Variants in SMG6 observed in about 807,000 individuals in gnomAD.
SMG6 encodes telomerase-binding protein EST1A.
A neutral mutation model predicts 142.2 loss-of-function variants in SMG6; 66 were observed. The ratio of observed to expected loss-of-function variants is 0.46; its 90% confidence interval spans 0.38 to 0.57. The LOEUF (loss-of-function observed/expected upper bound fraction) is 0.57. Ranked by LOEUF, SMG6 falls within the 20% of genes least tolerant of loss-of-function variation. SMG6 has a pLI of 0.00. For synonymous variants in SMG6, 779 were observed against 702.4 expected, an observed-to-expected ratio of 1.11 and a Z score of -1.72; for missense variants, 1,793 against 1,832.0, an observed-to-expected ratio of 0.98 and a Z score of 0.39.
At chr17:2,267,042 G>A (rs1185209152) in intron 8 of SMG6, among the ~76,000 whole-genome samples, 1 of 152,202 alleles carries the variant, frequency 6.6e-6, no homozygotes, top group Non-Finnish European at 1.5e-5. Context: ...GTCATCACGT[G>A]CTGCCAAACT....
At chr17:2,247,192 A>C (rs1366835915) in intron 8 of SMG6, among the ~76,000 whole-genome samples, 1 of 152,214 alleles carries the variant, frequency 6.6e-6, no homozygotes, top group Admixed American at 6.5e-5. Context: ...TAAACACTCA[A>C]TTGTTAACAT....
At chr17:2,157,054 C>T (rs2071029882) in intron 13 of SMG6, among the ~76,000 whole-genome samples, 1 of 152,182 alleles carries the variant, frequency 6.6e-6, no homozygotes. Flanking sequence ...GCTAGAGACC[C>T]TCCCTCCTCC....
chr17:2,074,760 T>A (rs2068210155), intron 15 of SMG6, among the ~76,000 whole-genome samples: 1 of 152,212 alleles, frequency 6.6e-6, no homozygotes, highest in African/African-American at 2.4e-5. Flanking sequence ...CTCTCAGAGC[T>A]GAAGGGCACT....
rs375483425 is a variant in SMG6 at position 2,118,365 on chromosome 17, C to T, written c.3358-32464G>A. Among the ~76,000 whole-genome samples, 9 of 152,178 alleles carry T rather than the reference C, an allele frequency of 5.9e-5. No homozygotes were observed. In the South Asian group the frequency reaches 6.2e-4, roughly 11 times the overall value. On this transcript the variant is annotated intron_variant, in intron 13 of 18. Transcript: ENST00000263073. Reference sequence around the variant, plus strand: ...ACCAGCCTGGCCAACATGATGAAACCCCGTCTCTACTAAAAATACAAAAAT... The same window carrying T: ...ACCAGCCTGGCCAACATGATGAAACTCCGTCTCTACTAAAAATACAAAAAT...
At chr17:2,184,100 G>A (rs1435782580) in intron 12 of SMG6, among the ~76,000 whole-genome samples, 1 of 152,044 alleles carries the variant, frequency 6.6e-6, no homozygotes, top group Non-Finnish European at 1.5e-5. Flanking sequence ...GGTGGCTCAC[G>A]CCTGTAATCC....
chr17:2,216,175 A>G (rs1207172881), intron 10 of SMG6, among the ~76,000 whole-genome samples: 1 of 152,148 alleles, frequency 6.6e-6, no homozygotes, highest in Non-Finnish European at 1.5e-5. Flanking sequence ...GGCAAGGTGG[A>G]AACTCAGATG....
At chr17:2,087,156 A>G (rs185609987) in intron 13 of SMG6, 1 of 1,290,500 alleles carries the variant, frequency 7.7e-7, no homozygotes, top group Non-Finnish European at 1.0e-6. Context: ...GGCAAAGCCT[A>G]AATCTCATCG....
At chr17:2,219,461 T>C (rs17834455) in intron 10 of SMG6, among the ~76,000 whole-genome samples, 4,083 of 152,012 alleles carry the variant, frequency 0.027, 81 homozygotes, top group South Asian at 0.066. Flanking sequence ...TCTCAAACAC[T>C]GCTAAGAGTG....
chr17:2,185,495 T>C (rs757167881), intron 12 of SMG6, among the ~76,000 whole-genome samples: 3 of 151,646 alleles, frequency 2.0e-5, no homozygotes, highest in Middle Eastern at 3.4e-3. Flanking sequence ...ATCTCCACAA[T>C]TAAAAAAAAG....
At chr17:2,074,085 A>G (rs2068190499) in intron 15 of SMG6, among the ~76,000 whole-genome samples, 1 of 152,062 alleles carries the variant, frequency 6.6e-6, no homozygotes. Context: ...CTCCATCTCA[A>G]AAAAAGAGAG....
At chr17:2,207,215 G>A (rs1298383178) in intron 10 of SMG6, among the ~76,000 whole-genome samples, 3 of 151,630 alleles carry the variant, frequency 2.0e-5, no homozygotes, top group Non-Finnish European at 4.4e-5. Context: ...TTGAACTCAG[G>A]AAGCAGTGAG....
intron 15 of SMG6, among the ~76,000 whole-genome samples, chr17:2,079,693 G>T (rs116458948): frequency 0.01 from 1,539 of 152,302 alleles, 29 homozygotes; most frequent in African/African-American, 0.035. Context: ...CCACAGCAGG[G>T]CTGGGGAGGC....
intron 15 of SMG6, among the ~76,000 whole-genome samples, chr17:2,073,330 C>T (rs543108337): frequency 4.6e-5 from 7 of 152,002 alleles, no homozygotes; most frequent in Non-Finnish European, 7.4e-5. Context: ...GTGATCCGCC[C>T]GCCTCGGTCC....
chr17:2,295,214 G>C (rs568589249), intron 4 of SMG6, among the ~76,000 whole-genome samples: 61 of 152,252 alleles, frequency 4.0e-4, no homozygotes, highest in Admixed American at 1.1e-3. Flanking sequence ...TGTGTATGTA[G>C]TAGAAGGAGC....
At chr17:2,221,241 C>T (rs1172635222) in intron 10 of SMG6, among the ~76,000 whole-genome samples, 3 of 152,144 alleles carry the variant, frequency 2.0e-5, no homozygotes, top group African/African-American at 4.8e-5. Context: ...TAGGAGGTGA[C>T]TGCATCCTGG....
rs755977968 is a variant in SMG6 at position 2,061,614 on chromosome 17, T to C, written c.4138A>G (p.Ile1380Val). The change falls in exon 19 of 19, where the codon ATC becomes GTC. Residue 1380 changes from isoleucine (I) to valine (V), a missense_variant. By Grantham distance (29) the Ile-to-Val change is conservative. Transcript: ENST00000263073. ...DFMPASKEEP[I>V]RLLREVVLLT... is the part of the protein sequence containing the mutation. ...AGCACCACCTCCCGCAGTAGCCGGATTGGCTCCTCTGTGGGCATGAGAGAG... is the reference window on the plus strand; with the variant it reads ...AGCACCACCTCCCGCAGTAGCCGGACTGGCTCCTCTGTGGGCATGAGAGAG... 1.5e-5 allele frequency: 23 copies of C among 1,571,440 alleles called. No individual in the cohort carries two copies. The highest frequency in any genetic ancestry group is 7.1e-5 in the East Asian group (3 of 42,286).
intron 12 of SMG6, among the ~76,000 whole-genome samples, chr17:2,182,363 G>A (rs540449268): frequency 3.6e-4 from 55 of 152,292 alleles, no homozygotes; most frequent in African/African-American, 1.1e-3. Context: ...TCAGCCTGGA[G>A]TGCATTTTGG....
At chr17:2,244,868 C>A (rs1202995995) in intron 8 of SMG6, 149 bp from the exon 9 acceptor site, 1 of 657,418 alleles carries the variant, frequency 1.5e-6, no homozygotes, top group African/African-American at 1.8e-5. Context: ...CAAACTCTCA[C>A]AGACCCAGGG....
intron 13 of SMG6, among the ~76,000 whole-genome samples, chr17:2,141,602 G>A (rs989628956): frequency 4.0e-5 from 6 of 151,846 alleles, no homozygotes; most frequent in Admixed American, 6.6e-5. Flanking sequence ...CACCATACCC[G>A]CTAATTTTTA....
Sources: gnomAD v4.1 joint callset for allele counts (sites outside exome capture counted in the v4.1 genomes callset) on GRCh38, gnomAD v4.1.1 for gene constraint, MANE v1.5 for transcripts, NCBI Gene and HGNC (gene_info 2026-07-23, HGNC 2026-07-21) for gene names.